HMBOX1: variants seen among roughly 807,000 people sequenced by gnomAD.
HMBOX1 encodes homeobox containing 1.
A neutral mutation model predicts 54.5 loss-of-function variants in HMBOX1; 14 were observed. That is an observed-to-expected ratio of 0.26 (90% CI 0.17 to 0.40). HMBOX1 has a LOEUF of 0.40. Ranked by LOEUF, HMBOX1 falls within the 10% of genes least tolerant of loss-of-function variation. HMBOX1 has a pLI of 1.00. For missense variants in HMBOX1, 332 were observed against 514.4 expected (o/e 0.65, Z 3.43); for synonymous variants, 160 against 181.0 (o/e 0.88, Z 0.93).
intron 1 of HMBOX1, among the ~76,000 whole-genome samples, chr8:28,927,389 T>C (rs68187156): frequency 0.16 from 24,987 of 152,114 alleles, 2,471 homozygotes; most frequent in East Asian, 0.48. Flanking sequence ...AAGAGAGGTT[T>C]ATTTGGTTCA....
chr8:28,973,839 C>G (rs1254111201), intron 3 of HMBOX1, among the ~76,000 whole-genome samples: 5 of 65,268 alleles, frequency 7.7e-5, no homozygotes, highest in African/African-American at 2.6e-4. Flanking sequence ...TTTTTTGAGA[C>G]AGTCTCGCTC....
intron 4 of HMBOX1, among the ~76,000 whole-genome samples, chr8:28,994,684 C>G (rs1831525423): frequency 6.6e-6 from 1 of 152,114 alleles, no homozygotes; most frequent in African/African-American, 2.4e-5. Context: ...TTCACATTGA[C>G]AGGTATTTGT....
chr8:29,026,043 TACACACACACACACACAC>T (rs35597688), intron 6 of HMBOX1, among the ~76,000 whole-genome samples: 4 of 143,480 alleles, frequency 2.8e-5, no homozygotes, highest in South Asian at 2.3e-4. Flanking sequence ...TGCTACCATG[TACACACACACACACACAC>T]ACACACACAC....
chr8:28,930,886 G>A (rs1184367035), intron 1 of HMBOX1, among the ~76,000 whole-genome samples: 1 of 151,984 alleles, frequency 6.6e-6, no homozygotes, highest in African/African-American at 2.4e-5. Context: ...GTCTTATCTC[G>A]ACATTTAGAT....
intron 4 of HMBOX1, among the ~76,000 whole-genome samples, chr8:29,006,168 T>C (rs1480147437): frequency 1.3e-5 from 2 of 151,938 alleles, no homozygotes; most frequent in South Asian, 2.1e-4. Context: ...AAGTTTTGTA[T>C]TTTTAGTAGA....
intron 1 of HMBOX1, among the ~76,000 whole-genome samples, chr8:28,926,854 A>G (rs1328136558): frequency 6.6e-6 from 1 of 152,198 alleles, no homozygotes; most frequent in Non-Finnish European, 1.5e-5. Context: ...CTGTAAAAGA[A>G]GGTTTTAGTA....
chr8:29,013,255 C>T (rs990330958), intron 5 of HMBOX1, among the ~76,000 whole-genome samples: 2 of 152,142 alleles, frequency 1.3e-5, no homozygotes, highest in Admixed American at 1.3e-4. Context: ...CCTGCCTCAG[C>T]CTCAGGAGTA....
chr8:29,028,535 C>T (rs895806606), intron 6 of HMBOX1, among the ~76,000 whole-genome samples: 1 of 152,162 alleles, frequency 6.6e-6, no homozygotes, highest in Non-Finnish European at 1.5e-5. Context: ...TCTTTCCTTT[C>T]TCCTCTTTAC....
chr8:28,899,474 T>C (rs1812796307), intron 1 of HMBOX1, among the ~76,000 whole-genome samples: 1 of 152,208 alleles, frequency 6.6e-6, no homozygotes, highest in Admixed American at 6.5e-5. Context: ...GCAAATGTCA[T>C]TCATCCCTGA....
intron 4 of HMBOX1, among the ~76,000 whole-genome samples, chr8:28,997,481 A>G (rs975246683): frequency 9.9e-5 from 15 of 152,066 alleles, no homozygotes; most frequent in African/African-American, 3.6e-4. Flanking sequence ...ATATTTATAT[A>G]TGTTGTTGGA....
rs76529801 is a variant in HMBOX1 at position 29,019,788 on chromosome 8, T to C, written c.851+875T>C. 1.4e-3 allele frequency among the ~76,000 whole-genome samples: 210 copies of C among 152,322 alleles called. 10 individuals are homozygous for C. The East Asian group carries it at 0.039, about 29-fold the overall frequency. On this transcript the variant is annotated intron_variant, in intron 6 of 9. Transcript: ENST00000287701. ...ATAGCCAATATGTCATCTAAGACTT[T>C]TGCCATCTCTCATCCTGCTACTTTC... is the stretch of plus-strand genomic sequence containing the variant.
intron 6 of HMBOX1, among the ~76,000 whole-genome samples, chr8:29,044,972 G>A (rs1343012247): frequency 6.6e-6 from 1 of 152,106 alleles, no homozygotes; most frequent in Non-Finnish European, 1.5e-5. Flanking sequence ...ATAACTCTGT[G>A]ACTTGAATCA....
intron 2 of HMBOX1, among the ~76,000 whole-genome samples, chr8:28,964,929 A>T (rs1013738972): frequency 2.0e-5 from 3 of 152,138 alleles, no homozygotes; most frequent in Non-Finnish European, 2.9e-5. Context: ...CTCTGTTACC[A>T]TTTCTATTTT....
chr8:29,003,555 A>ATATATATATATATATAT (rs1832971970), intron 4 of HMBOX1, among the ~76,000 whole-genome samples: 1 of 71,310 alleles, frequency 1.4e-5, no homozygotes, highest in African/African-American at 5.2e-5. Context: ...TTCTGTATTA[A>ATATATATATATATATAT]ATATATATAT....
intron 5 of HMBOX1, among the ~76,000 whole-genome samples, chr8:29,016,463 A>T (rs1223824199): frequency 6.6e-6 from 1 of 152,234 alleles, no homozygotes; most frequent in African/African-American, 2.4e-5. Flanking sequence ...ACAACTGAGG[A>T]TGATTGTGAT....
chr8:28,970,216 G>A lies in HMBOX1; in HGVS notation c.197G>A (p.Ser66Asn), dbSNP rs1241206550. The change falls in exon 3 of 10, where the codon AGC (serine) becomes AAC (asparagine). Residue 66 changes from serine (S) to asparagine (N), a missense_variant. Coordinates refer to ENST00000287701, the MANE Select transcript of HMBOX1 (RefSeq NM_001135726.3). The surrounding 1 kb of genome is among the most constrained non-coding windows in gnomAD (Gnocchi z 4.3). ...EHSDKFGRRSSYGGSSYGNST... is the reference protein window; with the variant it reads ...EHSDKFGRRSNYGGSSYGNST... ...AGTGACAAGTTTGGAAGAAGGTCCA[G>A]CTATGGAGGAAGTTCATATGGGAAT... The A allele has an allele frequency of 5.0e-6, 8 of 1,614,206 alleles. No homozygotes were observed. Among genetic ancestry groups the A allele is most frequent in the Non-Finnish European group, 6.8e-6 (8 of 1,180,028 alleles).
intron 4 of HMBOX1, among the ~76,000 whole-genome samples, chr8:28,999,033 A>T (rs544550580): frequency 6.6e-6 from 1 of 152,234 alleles, no homozygotes; most frequent in South Asian, 2.1e-4. Flanking sequence ...AAAATATTTA[A>T]TTATACTCTC....
At chr8:28,989,991 C>T (rs1047148739) in intron 4 of HMBOX1, among the ~76,000 whole-genome samples, 12 of 151,934 alleles carry the variant, frequency 7.9e-5, no homozygotes, top group Admixed American at 1.3e-4. Context: ...TTTCAGTGCC[C>T]GCTTCCTTGT....
chr8:28,921,291 A>G (rs1280971451), intron 1 of HMBOX1, among the ~76,000 whole-genome samples: 1 of 152,200 alleles, frequency 6.6e-6, no homozygotes, highest in Non-Finnish European at 1.5e-5. Context: ...AGCTGAGATC[A>G]TGCCACCGCA....
Sources: gnomAD v4.1 joint callset for allele counts (sites outside exome capture counted in the v4.1 genomes callset) on GRCh38, gnomAD v4.1.1 for gene constraint, Gnocchi (gnomAD v3.1) non-coding constraint, MANE v1.5 for transcripts, NCBI Gene and HGNC (gene_info 2026-07-23, HGNC 2026-07-21) for gene names.